OGDH: variants seen among roughly 807,000 people sequenced by gnomAD.
The protein encoded by OGDH is 2-oxoglutarate dehydrogenase complex component E1.
OGDH carries 38 observed loss-of-function variants against 116.6 expected under a neutral mutation model. That is an observed-to-expected ratio of 0.33 (90% CI 0.25 to 0.43). The LOEUF (loss-of-function observed/expected upper bound fraction) is 0.43. OGDH is among the 20% of genes least tolerant of loss of function. The pLI is 1.00. For synonymous variants in OGDH, 488 were observed against 533.3 expected, an observed-to-expected ratio of 0.92 and a Z score of 1.17; for missense variants, 825 against 1,357.2, an observed-to-expected ratio of 0.61 and a Z score of 6.16.
In OGDH at chr7:44,694,039, A is replaced by C; in HGVS notation, c.1515+35A>C. The stretch of plus-strand genomic sequence containing the variant: ...TCTGGGGACAGCACGTCCTGGGCAG[A>C]GCATCTGACCCACCCCTCTTGCCCT... On this transcript the variant is annotated intron_variant, in intron 11 of 22. Coordinates refer to ENST00000222673, the MANE Select transcript of OGDH (RefSeq NM_002541.4). This position sits in a 1 kb window ranked among gnomAD's most constrained non-coding sequence, Gnocchi z 4.2. 1 of 1,582,390 alleles carries C rather than the reference A, an allele frequency of 6.3e-7. No homozygotes were observed. The highest frequency in any genetic ancestry group is 1.3e-5 in the African/African-American group (1 of 74,592).
intron 1 of OGDH, among the ~76,000 whole-genome samples, chr7:44,614,911 A>ACTG (rs1784713332): frequency 7.0e-6 from 1 of 142,572 alleles, no homozygotes; most frequent in Non-Finnish European, 1.5e-5. Context: ...ATCTCAGCTC[A>ACTG]CTGCAACCTC....
At chr7:44,616,823 ATGTG>A (rs1562611027) in intron 1 of OGDH, among the ~76,000 whole-genome samples, 1 of 139,336 alleles carries the variant, frequency 7.2e-6, no homozygotes, top group Admixed American at 7.5e-5. Flanking sequence ...ATACGTATAT[ATGTG>A]TATATATACA....
intron 4 of OGDH, among the ~76,000 whole-genome samples, chr7:44,655,809 TTGAAA>T (rs1348088907): frequency 6.6e-6 from 1 of 152,246 alleles, no homozygotes; most frequent in African/African-American, 2.4e-5. Flanking sequence ...GTTTGCCTTC[TTGAAA>T]TGGGAGATCA....
rs2230445 is a variant in OGDH, at chr7:44,624,507, C to T, written c.164C>T (p.Ser55Leu). The change falls in exon 2 of 23, where the codon TCG becomes TTG. Residue 55 changes from serine (S) to leucine (L), a missense_variant. Physicochemically the swap from Ser to Leu is moderately radical, Grantham distance 145. Around this residue, in one of 7 missense-constraint regions of OGDH, gnomAD observed 126 missense variants for 130.4 expected, o/e 0.97. Transcript: ENST00000222673. ...GAGCCCTTTCTCAGTGGGACTAGTT[C>T]GAACTATGTGGAGGAGATGTACTGT... ...AAEPFLSGTS[S>L]NYVEEMYCAW... 8.2e-3 allele frequency: 13,297 copies of T among 1,613,744 alleles called. 79 individuals carry two copies. The highest frequency in any genetic ancestry group is 0.011 in the Middle Eastern group (65 of 6,046).
In OGDH at chr7:44,617,847, C is replaced by T. The variant is rs185124052; in HGVS notation, c.-27-6470C>T. On this transcript the variant is annotated intron_variant, in intron 1 of 22. Transcript: ENST00000222673. ...GACTTATTTACTGAGAAACAGCAGA[C>T]TGTTTTTGCTAGGTCTTGCCTTTTT... Among the ~76,000 whole-genome samples, 313 of 152,212 alleles carry T rather than the reference C, an allele frequency of 2.1e-3. 3 individuals are homozygous for T. Among genetic ancestry groups the T allele is most frequent in the Middle Eastern group, 0.014 (4 of 294 alleles).
rs548597338 is a variant in OGDH, at chr7:44,622,046, C to T, written c.-27-2271C>T. 5.7e-4 allele frequency among the ~76,000 whole-genome samples: 86 copies of T among 152,184 alleles called. No individual in the cohort carries two copies. In the Middle Eastern group the frequency reaches 0.01, roughly 18 times the overall value. ...GTGTTTTACGATTGTCAGTTCAGTG[C>T]CTGTTAATTGGGCTATTGCAGCAAC... On this transcript the variant is annotated intron_variant, in intron 1 of 22. Transcript: ENST00000222673.
At chr7:44,644,809 C>T (rs138966208) in intron 2 of OGDH, among the ~76,000 whole-genome samples, 293 of 152,338 alleles carry the variant, frequency 1.9e-3, no homozygotes, top group African/African-American at 6.8e-3. Context: ...CTGGGCTCTT[C>T]ACAGGTTGTG....
At chr7:44,673,658 T>G in intron 5 of OGDH, 129 bp from the exon 6 acceptor site, 1 of 886,066 alleles carries the variant, frequency 1.1e-6, no homozygotes, top group Non-Finnish European at 1.8e-6. Flanking sequence ...CAGTCACACT[T>G]GATTGGAGTA....
intron 2 of OGDH, among the ~76,000 whole-genome samples, chr7:44,632,430 G>C (rs545761234): frequency 1.1e-3 from 162 of 152,328 alleles, no homozygotes; most frequent in African/African-American, 3.8e-3. Context: ...AGCTTCCTGA[G>C]TAGCTGGGAG....
intron 3 of OGDH, 72 bp from the exon 4 acceptor site, chr7:44,647,585 T>A: frequency 6.3e-7 from 1 of 1,578,306 alleles, no homozygotes; most frequent in Non-Finnish European, 8.7e-7. Context: ...ACTTTTTTTT[T>A]ACCCCTTCCC....
chr7:44,673,536 G>A (rs180676527), intron 5 of OGDH, among the ~76,000 whole-genome samples: 189 of 152,274 alleles, frequency 1.2e-3, no homozygotes, highest in African/African-American at 4.2e-3. Flanking sequence ...CCCTTGGCCT[G>A]CCCTTGGAAG....
At chr7:44,613,168 G>A (rs972254584) in intron 1 of OGDH, among the ~76,000 whole-genome samples, 2 of 148,972 alleles carry the variant, frequency 1.3e-5, no homozygotes, top group Non-Finnish European at 3.0e-5. Context: ...GAGCCACTGC[G>A]CCTGGCTTGT....
At chr7:44,647,801 C>G (rs745958563) in intron 4 of OGDH, 42 bp downstream of exon 4, 4 of 1,479,550 alleles carry the variant, frequency 2.7e-6, no homozygotes, top group African/African-American at 1.4e-5. Flanking sequence ...TTGAGCTCCT[C>G]TCGCTGTGCC....
chr7:44,708,259 A>G lies in OGDH; in HGVS notation c.*260A>G, dbSNP rs916875248. ...CGGGGGGAGCAGGAGGAGGAAAGGT[A>G]GCCCCCGAGGGATGTCCTTGGGGAG... On this transcript the variant is annotated 3_prime_UTR_variant, in exon 23 of 23. Coordinates refer to ENST00000222673, the MANE Select transcript of OGDH (RefSeq NM_002541.4). The G allele has an allele frequency of 1.8e-5, 8 of 442,676 alleles. No homozygotes were observed. The East Asian group carries it at 3.1e-4, about 17-fold the overall frequency. 27.4% of individuals were successfully genotyped at this position (442,676 alleles called of 1,614,324 possible). A position where few individuals can be genotyped will look rare whatever the true frequency, so the allele number is the denominator to read the frequency against.
At chr7:44,626,667 T>C (rs1211112333) in intron 2 of OGDH, among the ~76,000 whole-genome samples, 3 of 152,212 alleles carry the variant, frequency 2.0e-5, no homozygotes, top group Non-Finnish European at 4.4e-5. Flanking sequence ...CTGTGGACAC[T>C]GGGCCTGTTG....
At chr7:44,699,763 G>C (rs1788748128) in intron 18 of OGDH, among the ~76,000 whole-genome samples, 1 of 152,180 alleles carries the variant, frequency 6.6e-6, no homozygotes, top group Non-Finnish European at 1.5e-5. Flanking sequence ...AGGCTGTACA[G>C]GAAGCATGAT....
intron 4 of OGDH, chr7:44,656,352 A>G (rs1279784829): frequency 6.5e-7 from 1 of 1,535,870 alleles, no homozygotes; most frequent in Admixed American, 2.0e-5. Context: ...TTCGAATGCT[A>G]ACAGTAGGAG....
At chr7:44,635,392 T>C (rs549497977) in intron 2 of OGDH, among the ~76,000 whole-genome samples, 1 of 152,188 alleles carries the variant, frequency 6.6e-6, no homozygotes, top group African/African-American at 2.4e-5. Context: ...CGAGGGCCTT[T>C]GAGCATGGGT....
In OGDH at chr7:44,645,531, C is replaced by CT; in HGVS notation, c.414+16dup. 1.2e-6 allele frequency: 2 copies of CT among 1,611,956 alleles called. No homozygotes were observed. Among genetic ancestry groups the CT allele is most frequent in the Non-Finnish European group, 1.7e-6 (2 of 1,178,394 alleles). On this transcript the variant is annotated intron_variant, in intron 3 of 22. Transcript: ENST00000222673. ...CAGGGCATATCAGGTAAGGCGGGTG[C>CT]TTTACCCGCACACGGGAAAGGGTGC...
Sources: allele counts gnomAD v4.1 joint callset (sites outside exome capture counted in the v4.1 genomes callset), GRCh38; gene constraint gnomAD v4.1.1; regional missense constraint gnomAD v4.1.1; non-coding constraint Gnocchi (gnomAD v3.1); transcripts MANE v1.5; gene names NCBI Gene and HGNC (gene_info 2026-07-23, HGNC 2026-07-21).